TRAPPC9: variants seen among roughly 807,000 people sequenced by gnomAD.
TRAPPC9 encodes the protein IKK2 binding protein.
TRAPPC9 carries 83 observed loss-of-function variants against 124.0 expected under a neutral mutation model. That is an observed-to-expected ratio of 0.67 (90% CI 0.56 to 0.80). The LOEUF (loss-of-function observed/expected upper bound fraction) is 0.80. Among genes scored for constraint, TRAPPC9 ranks in the 30% least tolerant of loss-of-function variants. The pLI is 0.00. For synonymous variants in TRAPPC9, 638 were observed against 617.5 expected (o/e 1.03, Z -0.49); for missense variants, 1,302 against 1,508.3 (o/e 0.86, Z 2.27).
At chr8:140,171,824 G>T (rs1015016395) in intron 17 of TRAPPC9, among the ~76,000 whole-genome samples, 2 of 152,184 alleles carry the variant, frequency 1.3e-5, no homozygotes, top group Non-Finnish European at 2.9e-5. Flanking sequence ...TTCAAAGCAG[G>T]ACTCTGGGGT....
chr8:139,828,022 T>C (rs1436490628), intron 21 of TRAPPC9, among the ~76,000 whole-genome samples: 1 of 152,056 alleles, frequency 6.6e-6, no homozygotes, highest in Non-Finnish European at 1.5e-5. Flanking sequence ...ACGTGAGGAA[T>C]CCACCCCCAC....
At chr8:139,862,161 A>C (rs1828208285) in intron 21 of TRAPPC9, among the ~76,000 whole-genome samples, 1 of 152,188 alleles carries the variant, frequency 6.6e-6, no homozygotes, top group African/African-American at 2.4e-5. Context: ...CTGAGCAAAA[A>C]CGGCTCTGCT....
intron 9 of TRAPPC9, among the ~76,000 whole-genome samples, chr8:140,354,047 G>A (rs915115255): frequency 3.3e-5 from 5 of 152,240 alleles, no homozygotes; most frequent in Admixed American, 6.5e-5. Context: ...ATGTACGAAG[G>A]CAGCAGAATA....
intron 17 of TRAPPC9, among the ~76,000 whole-genome samples, chr8:140,036,660 G>T (rs1240177007): frequency 6.6e-6 from 1 of 152,148 alleles, no homozygotes; most frequent in Admixed American, 6.5e-5. Flanking sequence ...TGAGTGGGGA[G>T]AAGTCGGGCT....
chr8:139,912,005 G>A (rs1450581760), intron 19 of TRAPPC9, among the ~76,000 whole-genome samples: 5 of 152,142 alleles, frequency 3.3e-5, no homozygotes, highest in Non-Finnish European at 7.3e-5. Context: ...GCAAGCAGAG[G>A]ACAGTGCTTT....
chr8:140,456,292 A>G (rs1333598624), intron 1 of TRAPPC9, among the ~76,000 whole-genome samples: 2 of 152,016 alleles, frequency 1.3e-5, no homozygotes. Flanking sequence ...GGCACCTGTA[A>G]TCCCAGCTAC....
At chr8:139,801,059 TCCCTCCAGTATCTTCCC>T (rs1336815513) in intron 21 of TRAPPC9, among the ~76,000 whole-genome samples, 16 of 125,770 alleles carry the variant, frequency 1.3e-4, no homozygotes, top group African/African-American at 8.6e-4. Context: ...GCACCTTCCC[TCCCTCCAGTATCTTCCC>T]TCCCTCCAGT....
At chr8:140,379,478 A>G (rs2068542145) in intron 7 of TRAPPC9, among the ~76,000 whole-genome samples, 1 of 152,222 alleles carries the variant, frequency 6.6e-6, no homozygotes, top group Non-Finnish European at 1.5e-5. Flanking sequence ...CTATTCTGCC[A>G]TCTGGCTCAC....
intron 7 of TRAPPC9, among the ~76,000 whole-genome samples, chr8:140,378,238 G>A (rs983580140): frequency 6.6e-6 from 1 of 152,072 alleles, no homozygotes; most frequent in Admixed American, 6.6e-5. Context: ...AACTTGATGG[G>A]ACTGAAGGAT....
At chr8:140,351,463 A>G (rs1398626999) in intron 9 of TRAPPC9, among the ~76,000 whole-genome samples, 1 of 152,066 alleles carries the variant, frequency 6.6e-6, no homozygotes, top group Admixed American at 6.6e-5. Context: ...CAAGTAATCT[A>G]GAGATGGCTT....
At chr8:139,985,016 C>T (rs763834828) in intron 19 of TRAPPC9, among the ~76,000 whole-genome samples, 68 of 152,248 alleles carry the variant, frequency 4.5e-4, no homozygotes, top group South Asian at 6.2e-4. Context: ...CTTCTCAGCA[C>T]GCCTGAAGCC....
chr8:139,804,438 A>ACCACCACCAC (rs1226829272), intron 21 of TRAPPC9, among the ~76,000 whole-genome samples: 1 of 120,608 alleles, frequency 8.3e-6, no homozygotes, highest in East Asian at 2.8e-4. Context: ...ACCAAGCACC[A>ACCACCACCAC]TCACCACCAC....
intron 19 of TRAPPC9, among the ~76,000 whole-genome samples, chr8:139,919,109 G>A (rs901250076): frequency 6.6e-6 from 1 of 152,204 alleles, no homozygotes. Context: ...AGGCTTTGGC[G>A]CCCGGGCTAG....
intron 17 of TRAPPC9, among the ~76,000 whole-genome samples, chr8:140,073,254 T>G (rs1041177318): frequency 1.3e-5 from 2 of 152,190 alleles, no homozygotes; most frequent in Admixed American, 1.3e-4. Flanking sequence ...TCAACAAAAT[T>G]ACTTGAAAAA....
At chr8:139,739,083 C>G (rs1001351974) in intron 21 of TRAPPC9, among the ~76,000 whole-genome samples, 3 of 152,192 alleles carry the variant, frequency 2.0e-5, no homozygotes, top group African/African-American at 7.2e-5. Flanking sequence ...GCCTCAGGCC[C>G]GTGCTCCTCT....
At chr8:140,090,011 T>C (rs1405766594) in intron 17 of TRAPPC9, among the ~76,000 whole-genome samples, 1 of 151,282 alleles carries the variant, frequency 6.6e-6, no homozygotes, top group African/African-American at 2.4e-5. Flanking sequence ...ACACGGGAGG[T>C]GGAGGATGCA....
chr8:140,035,972 G>A (rs147797575), intron 17 of TRAPPC9, among the ~76,000 whole-genome samples: 14 of 152,302 alleles, frequency 9.2e-5, no homozygotes, highest in Admixed American at 5.9e-4. Flanking sequence ...ATATGGATTT[G>A]GACCAATTAA....
Position 140,241,128 on chromosome 8 carries a change from G to A in TRAPPC9, c.2431+11649C>T, listed in dbSNP as rs565239793. Among the ~76,000 whole-genome samples the A allele has an allele frequency of 2.6e-5, 4 of 152,324 alleles. No homozygotes were observed. Among genetic ancestry groups the A allele is most frequent in the African/African-American group, 7.2e-5 (3 of 41,554 alleles). Reference sequence around the variant, plus strand: ...TCAAAGACCATTCAGGCCGGGTGTGGTGGCTCACACCTGTAATTCCAGCAC... The same window carrying A: ...TCAAAGACCATTCAGGCCGGGTGTGATGGCTCACACCTGTAATTCCAGCAC... On this transcript the variant is annotated intron_variant, in intron 16 of 22. Transcript: ENST00000438773. The surrounding 1 kb of genome is among the most constrained non-coding windows in gnomAD (Gnocchi z 5.0).
intron 17 of TRAPPC9, among the ~76,000 whole-genome samples, chr8:140,220,000 C>A (rs149277695): frequency 6.6e-6 from 1 of 152,206 alleles, no homozygotes; most frequent in African/African-American, 2.4e-5. Flanking sequence ...TGGCTGCCCA[C>A]AAAGCTCCAG....
Sources: gnomAD v4.1 joint callset for allele counts (sites outside exome capture counted in the v4.1 genomes callset) on GRCh38, gnomAD v4.1.1 for gene constraint, Gnocchi (gnomAD v3.1) non-coding constraint, MANE v1.5 for transcripts, NCBI Gene and HGNC (gene_info 2026-07-23, HGNC 2026-07-21) for gene names.